The following ZPBP variants were observed in gnomAD, a reference collection of about 807,000 sequenced individuals.
ZPBP encodes the protein zona pellucida-binding protein 1.
In ZPBP, 26 loss-of-function variants were observed where a neutral mutation model predicts 44.8. The observed-to-expected ratio is 0.58, with a 90% CI of 0.43 to 0.81. The LOEUF (loss-of-function observed/expected upper bound fraction) is 0.81, where lower values mean the gene tolerates loss of function less well. Among genes scored for constraint, ZPBP ranks in the 30% least tolerant of loss-of-function variants. ZPBP has a pLI of 0.00. For missense variants in ZPBP, 409 were observed against 434.0 expected (o/e 0.94, Z 0.51); for synonymous variants, 174 against 153.2 (o/e 1.14, Z -1.00).
intron 2 of ZPBP, among the ~76,000 whole-genome samples, chr7:49,873,870 T>C (rs900389038): frequency 2.7e-5 from 4 of 150,550 alleles, no homozygotes; most frequent in African/African-American, 7.4e-5. Context: ...TTTATATTTA[T>C]GCCAACATGG....
chr7:50,077,876 C>T (rs926130576), intron 3 of ZPBP, among the ~76,000 whole-genome samples: 1 of 151,850 alleles, frequency 6.6e-6, no homozygotes, highest in Non-Finnish European at 1.5e-5. Flanking sequence ...TATGATCCAG[C>T]AATCTCCCTT....
At chr7:49,869,636 T>C (rs1791053719) in intron 2 of ZPBP, among the ~76,000 whole-genome samples, 1 of 152,190 alleles carries the variant, frequency 6.6e-6, no homozygotes, top group Admixed American at 6.5e-5. Flanking sequence ...GATCTGTTTG[T>C]CACCAGAATA....
At chr7:49,914,953 G>A (rs1793638954) in intron 1 of ZPBP, 1 of 152,132 alleles carries the variant, frequency 6.6e-6, no homozygotes, top group South Asian at 2.1e-4. Context: ...ATTTGTTCAA[G>A]TTAATAAACT....
intron 7 of ZPBP, among the ~76,000 whole-genome samples, chr7:49,962,573 A>G (rs1000708869): frequency 5.9e-5 from 9 of 151,934 alleles, no homozygotes; most frequent in Non-Finnish European, 1.2e-4. Flanking sequence ...TAGTGGGAAC[A>G]AGATTAGCAT....
chr7:50,072,919 C>T (rs1056163430), intron 3 of ZPBP, among the ~76,000 whole-genome samples: 9 of 152,080 alleles, frequency 5.9e-5, no homozygotes, highest in East Asian at 1.9e-4. Flanking sequence ...TTTCAAATAT[C>T]GGAAAAGCCT....
chr7:50,086,194 G>A (rs556993552), intron 2 of ZPBP, among the ~76,000 whole-genome samples: 3 of 151,996 alleles, frequency 2.0e-5, no homozygotes, highest in Admixed American at 6.6e-5. Context: ...ACAAATACAC[G>A]ATATCAGCAA....
intron 1 of ZPBP, among the ~76,000 whole-genome samples, chr7:49,932,218 C>G (rs1583863696): frequency 1.3e-5 from 2 of 152,174 alleles, no homozygotes; most frequent in East Asian, 3.9e-4. Flanking sequence ...AGAAGAGGGC[C>G]ACCATCCTCC....
chr7:49,913,670 A>G (rs922230191), intron 1 of ZPBP: 12 of 152,288 alleles, frequency 7.9e-5, no homozygotes, highest in African/African-American at 2.9e-4. Context: ...TAAGAAGTAT[A>G]TGAAATCATA....
rs116669856 is a variant in ZPBP at position 49,928,034 on chromosome 7, T to C, written n.411+7717A>G. Among the ~76,000 whole-genome samples, 639 of 152,236 alleles carry C rather than the reference T, an allele frequency of 4.2e-3. 3 individuals are homozygous for C. Among genetic ancestry groups the C allele is most frequent in the African/African-American group, 0.015 (621 of 41,544 alleles). On this transcript the variant is annotated intron_variant and non_coding_transcript_variant, in intron 1 of 2. Transcript: ENST00000465922. Reference sequence around the variant, plus strand: ...GCTCTCTCCCTGGTCAGCGTTGCCATATTGGGGACTCCTTGGTAGACTCTG... The same window carrying C: ...GCTCTCTCCCTGGTCAGCGTTGCCACATTGGGGACTCCTTGGTAGACTCTG...
intron 6 of ZPBP, among the ~76,000 whole-genome samples, chr7:49,984,035 T>C (rs1797141762): frequency 6.6e-6 from 1 of 152,202 alleles, no homozygotes; most frequent in African/African-American, 2.4e-5. Context: ...GTAATAATTA[T>C]ACTGGCTTGC....
chr7:49,935,107 A>C (rs1249476497), downstream of ZPBP, among the ~76,000 whole-genome samples: 1 of 152,160 alleles, frequency 6.6e-6, no homozygotes, highest in Non-Finnish European at 1.5e-5. Context: ...CCTACCTGTT[A>C]ATAGAAGCAA....
intron 3 of ZPBP, among the ~76,000 whole-genome samples, chr7:50,060,807 T>C (rs1801201873): frequency 6.6e-6 from 1 of 152,196 alleles, no homozygotes; most frequent in African/African-American, 2.4e-5. Context: ...TCCTAGCTCA[T>C]TCTATGAGGC....
intron 3 of ZPBP, among the ~76,000 whole-genome samples, chr7:50,070,170 C>T (rs1801763697): frequency 6.6e-6 from 1 of 152,182 alleles, no homozygotes; most frequent in Admixed American, 6.5e-5. Context: ...CACCCACCCA[C>T]TCCCAGTTCC....
At chr7:50,059,079 C>T (rs1050072260) in intron 3 of ZPBP, among the ~76,000 whole-genome samples, 1 of 152,190 alleles carries the variant, frequency 6.6e-6, no homozygotes, top group South Asian at 2.1e-4. Flanking sequence ...TTCATAACCA[C>T]AGTTTTTAAT....
At chr7:50,024,452 A>G (rs957738902) in intron 5 of ZPBP, among the ~76,000 whole-genome samples, 2 of 102,248 alleles carry the variant, frequency 2.0e-5, no homozygotes, top group Non-Finnish European at 4.1e-5. Flanking sequence ...TAAATATATA[A>G]ATAATGCATT....
chr7:50,037,677 G>A (rs1799883724), intron 4 of ZPBP, among the ~76,000 whole-genome samples: 1 of 152,108 alleles, frequency 6.6e-6, no homozygotes, highest in Non-Finnish European at 1.5e-5. Flanking sequence ...CCCAAAATTG[G>A]GGAGTACAAT....
intron 6 of ZPBP, among the ~76,000 whole-genome samples, chr7:50,014,511 C>T (rs1183849054): frequency 2.1e-5 from 3 of 144,006 alleles, no homozygotes; most frequent in Non-Finnish European, 4.5e-5. Context: ...GTTGCCCAGA[C>T]TGGAGTGCAG....
At chr7:49,963,948 A>T (rs1176465012) in intron 7 of ZPBP, among the ~76,000 whole-genome samples, 6 of 151,878 alleles carry the variant, frequency 4.0e-5, no homozygotes, top group Admixed American at 3.9e-4. Flanking sequence ...ACAAATGCTT[A>T]GAATGTTAGC....
At chr7:49,850,998 G>A (rs543669523) in intron 2 of ZPBP, among the ~76,000 whole-genome samples, 1 of 152,184 alleles carries the variant, frequency 6.6e-6, no homozygotes, top group South Asian at 2.1e-4. Context: ...AGGAATGTCA[G>A]TTTACTCGTC....
Sources: gnomAD v4.1 joint callset for allele counts (sites outside exome capture counted in the v4.1 genomes callset) on GRCh38, gnomAD v4.1.1 for gene constraint, MANE v1.5 for transcripts, NCBI Gene and HGNC (gene_info 2026-07-23, HGNC 2026-07-21) for gene names.